The following ARHGEF38 variants were observed in gnomAD, a reference collection of about 807,000 sequenced individuals.
ARHGEF38 encodes Rho guanine nucleotide exchange factor (GEF) 38.
In ARHGEF38, 79 loss-of-function variants were observed where a neutral mutation model predicts 79.9. That is an observed-to-expected ratio of 0.99 (90% confidence interval 0.82 to 1.19). The LOEUF (loss-of-function observed/expected upper bound fraction) is 1.19. ARHGEF38 is among the 50% of genes most tolerant of loss of function. The pLI is 0.00. For synonymous variants in ARHGEF38, 366 were observed against 328.3 expected (o/e 1.11, Z -1.24); for missense variants, 962 against 907.2 (o/e 1.06, Z -0.78).
chr4:105,594,093 C>T (rs1295776002), intron 2 of ARHGEF38, among the ~76,000 whole-genome samples: 1 of 152,142 alleles, frequency 6.6e-6, no homozygotes, highest in East Asian at 1.9e-4. Flanking sequence ...TAGTTCTCTC[C>T]ACTAAGGTAA....
At chr4:105,637,453 A>G (rs140182702) in intron 5 of ARHGEF38, among the ~76,000 whole-genome samples, 1 of 152,110 alleles carries the variant, frequency 6.6e-6, no homozygotes, top group Non-Finnish European at 1.5e-5. Flanking sequence ...ACTATCCGAC[A>G]GTATAAACAG....
intron 3 of ARHGEF38, among the ~76,000 whole-genome samples, chr4:105,627,794 C>T (rs886277829): frequency 5.9e-5 from 9 of 152,062 alleles, no homozygotes; most frequent in South Asian, 2.1e-4. Flanking sequence ...GAAATGCAGC[C>T]GAGAGTTATG....
At chr4:105,554,337 T>C (rs1222212663) in intron 1 of ARHGEF38, among the ~76,000 whole-genome samples, 1 of 152,188 alleles carries the variant, frequency 6.6e-6, no homozygotes, top group East Asian at 1.9e-4. Flanking sequence ...AGGTGGTTTT[T>C]CAGCCCTTGC....
rs144754352 is a variant in ARHGEF38 at position 105,624,550 on chromosome 4, C to T, written c.509-6348C>T. Among the ~76,000 whole-genome samples, 254 of 152,276 alleles carry T rather than the reference C, an allele frequency of 1.7e-3. 3 individuals are homozygous for T. Among genetic ancestry groups the T allele is most frequent in the African/African-American group, 5.9e-3 (246 of 41,546 alleles). On this transcript the variant is annotated intron_variant, in intron 3 of 13. Coordinates refer to ENST00000420470, the MANE Select transcript of ARHGEF38 (RefSeq NM_001242729.2). ...GGTATCCACAGCAGCAGTTTTATCC[C>T]CTAGGCTAGGTGGAAGCTAAATGAG...
At chr4:105,554,618 C>T (rs1725169438) in intron 1 of ARHGEF38, among the ~76,000 whole-genome samples, 1 of 152,058 alleles carries the variant, frequency 6.6e-6, no homozygotes, top group African/African-American at 2.4e-5. Flanking sequence ...AGTTTCTAAA[C>T]CTGGTTCTTC....
intron 1 of ARHGEF38, among the ~76,000 whole-genome samples, chr4:105,579,195 T>C (rs531031849): frequency 4.6e-5 from 7 of 152,038 alleles, no homozygotes; most frequent in African/African-American, 1.7e-4. Context: ...CAAACAGGAA[T>C]ACTTTCACTA....
chr4:105,572,445 A>G (rs1030260236), intron 1 of ARHGEF38, among the ~76,000 whole-genome samples: 2 of 152,146 alleles, frequency 1.3e-5, no homozygotes, highest in African/African-American at 4.8e-5. Context: ...CCGTGGCATT[A>G]AATACATTCA....
chr4:105,643,332 C>T (rs1267791187), intron 5 of ARHGEF38, among the ~76,000 whole-genome samples: 1 of 151,914 alleles, frequency 6.6e-6, no homozygotes, highest in Non-Finnish European at 1.5e-5. Context: ...TCTTTTTCTT[C>T]CTTAATAGAT....
chr4:105,630,503 A>C (rs1729138687), intron 3 of ARHGEF38, among the ~76,000 whole-genome samples: 1 of 152,088 alleles, frequency 6.6e-6, no homozygotes, highest in Admixed American at 6.5e-5. Flanking sequence ...CAGCCTCCCA[A>C]AGTGCTGGGA....
chr4:105,579,958 G>A (rs1253038608), intron 1 of ARHGEF38, among the ~76,000 whole-genome samples: 3 of 152,070 alleles, frequency 2.0e-5, no homozygotes, highest in East Asian at 3.9e-4. Flanking sequence ...GTTCAGTTTT[G>A]GGAGGGTGTA....
At chr4:105,588,366 G>A (rs954849890) in intron 1 of ARHGEF38, among the ~76,000 whole-genome samples, 53 of 152,208 alleles carry the variant, frequency 3.5e-4, no homozygotes, top group African/African-American at 1.2e-3. Flanking sequence ...CTTCAAGCTT[G>A]AAGCAAATCC....
intron 5 of ARHGEF38, among the ~76,000 whole-genome samples, chr4:105,636,777 T>C (rs1248673331): frequency 6.6e-6 from 1 of 152,136 alleles, no homozygotes; most frequent in Non-Finnish European, 1.5e-5. Flanking sequence ...ATTAATATCA[T>C]AATGCATTTG....
intron 9 of ARHGEF38, among the ~76,000 whole-genome samples, chr4:105,656,040 G>A (rs1488341548): frequency 6.6e-6 from 1 of 152,076 alleles, no homozygotes; most frequent in Non-Finnish European, 1.5e-5. Context: ...AAGTTAGAAA[G>A]CTTTGCTTTT....
chr4:105,618,351 A>C (rs1446787030), intron 3 of ARHGEF38, among the ~76,000 whole-genome samples: 1 of 152,204 alleles, frequency 6.6e-6, no homozygotes, highest in African/African-American at 2.4e-5. Context: ...TAGAGAAAGA[A>C]GAACGGCTGG....
intron 13 of ARHGEF38, among the ~76,000 whole-genome samples, chr4:105,673,637 A>C (rs1363678639): frequency 6.6e-6 from 1 of 152,156 alleles, no homozygotes; most frequent in Admixed American, 6.5e-5. Flanking sequence ...TATGTATACT[A>C]TAAGTCCATT....
rs1284511380 is a variant in ARHGEF38 at position 105,552,936 on chromosome 4, G to A, written c.171G>A (p.Arg57=). ...SGTLRRSQSD[R]TEYNQKLQEK... is the part of the protein sequence containing the mutation. ...CCTTGAGGAGGAGCCAATCTGACAG[G>A]ACCGAATACAACCAGAAATTACAAG... is the stretch of plus-strand genomic sequence containing the variant. The change falls in exon 1 of 14, where the codon AGG becomes AGA. Residue 57 remains arginine, a synonymous_variant. Transcript: ENST00000420470. 3.1e-6 allele frequency: 5 copies of A among 1,611,112 alleles called. No individual in the cohort carries two copies. The highest frequency in any genetic ancestry group is 1.3e-5 in the African/African-American group (1 of 74,846).
chr4:105,566,994 C>A (rs556951486), intron 1 of ARHGEF38, among the ~76,000 whole-genome samples: 80 of 152,280 alleles, frequency 5.3e-4, no homozygotes, highest in African/African-American at 1.9e-3. Context: ...CTTAGGTGAT[C>A]CTCCTGCCTT....
intron 5 of ARHGEF38, among the ~76,000 whole-genome samples, chr4:105,641,760 T>C (rs1237003970): frequency 1.3e-5 from 2 of 152,142 alleles, no homozygotes; most frequent in African/African-American, 2.4e-5. Context: ...GTTTATATTA[T>C]TTAAAAATCA....
At chr4:105,621,974 A>G (rs557660340) in intron 3 of ARHGEF38, among the ~76,000 whole-genome samples, 10 of 152,158 alleles carry the variant, frequency 6.6e-5, no homozygotes, top group Non-Finnish European at 1.5e-4. Context: ...TATTTTCAGG[A>G]TCAAGGATAC....
Sources: allele counts gnomAD v4.1 joint callset (sites outside exome capture counted in the v4.1 genomes callset), GRCh38; gene constraint gnomAD v4.1.1; transcripts MANE v1.5; gene names NCBI Gene and HGNC (gene_info 2026-07-23, HGNC 2026-07-21).